The following FSTL5 variants were observed in gnomAD, a reference collection of about 807,000 sequenced individuals.
The protein encoded by FSTL5 is follistatin-related protein 5.
FSTL5 carries 62 observed loss-of-function variants against 89.1 expected under a neutral mutation model. The ratio of observed to expected loss-of-function variants is 0.70; its 90% CI spans 0.57 to 0.86. FSTL5 has a LOEUF of 0.86. FSTL5 is among the 40% of genes least tolerant of loss of function. The pLI is 0.00. For synonymous variants in FSTL5, 383 were observed against 346.2 expected, an observed-to-expected ratio of 1.11 and a Z score of -1.18; for missense variants, 1,057 against 1,001.6, an observed-to-expected ratio of 1.06 and a Z score of -0.75.
intron 2 of FSTL5, among the ~76,000 whole-genome samples, chr4:162,081,084 T>C (rs1026632216): frequency 6.6e-6 from 1 of 151,710 alleles, no homozygotes; most frequent in African/African-American, 2.4e-5. Context: ...CATATTTTTA[T>C]CCACGCCCTC....
At chr4:161,729,399 A>G (rs147278433) in intron 6 of FSTL5, among the ~76,000 whole-genome samples, 26 of 152,270 alleles carry the variant, frequency 1.7e-4, no homozygotes, top group African/African-American at 6.3e-4. Context: ...GGCAGATGAG[A>G]ACATTTTATG....
intron 4 of FSTL5, among the ~76,000 whole-genome samples, chr4:161,869,602 C>G (rs191817140): frequency 6.6e-6 from 1 of 152,138 alleles, no homozygotes; most frequent in African/African-American, 2.4e-5. Context: ...CTGATTGTCA[C>G]AATTGTGAGT....
chr4:161,939,408 T>C (rs1734517819), intron 3 of FSTL5, among the ~76,000 whole-genome samples: 1 of 151,998 alleles, frequency 6.6e-6, no homozygotes, highest in Admixed American at 6.6e-5. Context: ...CTCTGTATAT[T>C]ACATTCTTTA....
chr4:161,784,895 A>AAAAAAAACAAAAAACAAAAAC (rs1553965825), intron 4 of FSTL5, among the ~76,000 whole-genome samples: 4,311 of 141,986 alleles, frequency 0.03, 392 homozygotes, highest in African/African-American at 0.042. Context: ...TCCGTCTCAA[A>AAAAAAAACAAAAAACAAAAAC]AAAAACAAAA....
At position 161,860,113 on chromosome 4, in the gene FSTL5, C is replaced by T. The variant is rs545589804; in HGVS notation, c.409+60291G>A. ...ACCATCCTGGCTAGCGCAGTGAAACCCCGTCTCTACTAAAAATACAAAAAA... is the reference window on the plus strand; with the variant it reads ...ACCATCCTGGCTAGCGCAGTGAAACTCCGTCTCTACTAAAAATACAAAAAA... On this transcript the variant is annotated intron_variant, in intron 4 of 15. Coordinates refer to ENST00000306100, the MANE Select transcript of FSTL5 (RefSeq NM_020116.5). 6.8e-3 allele frequency among the ~76,000 whole-genome samples: 1,033 copies of T among 152,058 alleles called. 8 individuals carry two copies. The highest frequency in any genetic ancestry group is 0.011 in the Non-Finnish European group (769 of 67,986).
At chr4:161,793,423 G>A (rs1729538312) in intron 4 of FSTL5, among the ~76,000 whole-genome samples, 1 of 152,156 alleles carries the variant, frequency 6.6e-6, no homozygotes, top group African/African-American at 2.4e-5. Flanking sequence ...CAAATATACT[G>A]TGAGAAATTA....
At chr4:161,499,049 G>A (rs1240179486) in intron 12 of FSTL5, among the ~76,000 whole-genome samples, 2 of 151,890 alleles carry the variant, frequency 1.3e-5, no homozygotes, top group Non-Finnish European at 2.9e-5. Flanking sequence ...GAAAAATACA[G>A]AAATTAGCTG....
intron 2 of FSTL5, among the ~76,000 whole-genome samples, chr4:162,068,331 T>C (rs1278977069): frequency 6.6e-6 from 1 of 152,066 alleles, no homozygotes; most frequent in Admixed American, 6.6e-5. Context: ...CAAAACAGCA[T>C]GGTACTGGTA....
chr4:161,759,898 T>G (rs916273733), intron 5 of FSTL5, among the ~76,000 whole-genome samples: 8 of 152,164 alleles, frequency 5.3e-5, no homozygotes, highest in Non-Finnish European at 1.2e-4. Context: ...TGTGTCTCGG[T>G]GACCTATGTC....
chr4:161,834,476 A>G (rs1730964608), intron 4 of FSTL5, among the ~76,000 whole-genome samples: 1 of 152,210 alleles, frequency 6.6e-6, no homozygotes, highest in Non-Finnish European at 1.5e-5. Flanking sequence ...AGAAGGAAAT[A>G]AAGGGTATTC....
intron 7 of FSTL5, among the ~76,000 whole-genome samples, chr4:161,634,043 C>A (rs541966616): frequency 7.2e-5 from 11 of 152,302 alleles, no homozygotes; most frequent in African/African-American, 2.6e-4. Flanking sequence ...AATCAACATT[C>A]TTATTCACAG....
At chr4:161,461,867 G>C in intron 13 of FSTL5, among the ~76,000 whole-genome samples, 1 of 151,602 alleles carries the variant, frequency 6.6e-6, no homozygotes, top group East Asian at 1.9e-4. Flanking sequence ...AGCTTTAAAT[G>C]GAATAATCTT....
chr4:162,137,358 C>T (rs1167380064), intron 1 of FSTL5, among the ~76,000 whole-genome samples: 2 of 151,960 alleles, frequency 1.3e-5, no homozygotes, highest in Admixed American at 6.6e-5. Flanking sequence ...ATGCCAGGAC[C>T]TGGGGGATTA....
intron 6 of FSTL5, among the ~76,000 whole-genome samples, chr4:161,665,960 A>G (rs1736879572): frequency 6.6e-6 from 1 of 152,130 alleles, no homozygotes; most frequent in Non-Finnish European, 1.5e-5. Context: ...AGAAGGCCAG[A>G]TAATATAAAA....
intron 15 of FSTL5, among the ~76,000 whole-genome samples, chr4:161,408,398 TG>T (rs1731465751): frequency 6.6e-6 from 1 of 152,172 alleles, no homozygotes; most frequent in Non-Finnish European, 1.5e-5. Flanking sequence ...TTTAGTCCTC[TG>T]AAAACATTCA....
At chr4:161,510,484 T>C (rs1730616900) in intron 10 of FSTL5, 60 bp from the exon 11 acceptor site, 2 of 935,330 alleles carry the variant, frequency 2.1e-6, no homozygotes, top group South Asian at 1.6e-5. Context: ...GCTTTTGCTA[T>C]ATGGTAATAT....
chr4:161,958,614 C>T (rs963971905), intron 3 of FSTL5, among the ~76,000 whole-genome samples: 8 of 152,076 alleles, frequency 5.3e-5, no homozygotes, highest in Admixed American at 3.9e-4. Context: ...CAATCTTTTG[C>T]TTCTTGAATT....
At chr4:161,859,816 T>C (rs752046084) in intron 4 of FSTL5, among the ~76,000 whole-genome samples, 7 of 152,042 alleles carry the variant, frequency 4.6e-5, no homozygotes, top group Non-Finnish European at 1.0e-4. Context: ...TGCTGGAGTG[T>C]GTTGGAAGGA....
chr4:161,911,786 T>C (rs976531697), intron 4 of FSTL5, among the ~76,000 whole-genome samples: 1 of 152,244 alleles, frequency 6.6e-6, no homozygotes, highest in Admixed American at 6.5e-5. Context: ...TTTTAAACTT[T>C]GCTTAACCTA....
Sources: allele counts gnomAD v4.1 joint callset (sites outside exome capture counted in the v4.1 genomes callset), GRCh38; gene constraint gnomAD v4.1.1; transcripts MANE v1.5; gene names NCBI Gene and HGNC (gene_info 2026-07-23, HGNC 2026-07-21).